The following RNF175 variants were observed in gnomAD, a reference collection of about 807,000 sequenced individuals.
RNF175 encodes ring finger protein 175.
RNF175 carries 38 observed loss-of-function variants against 50.0 expected under a neutral mutation model. The ratio of observed to expected loss-of-function variants is 0.76; its 90% CI spans 0.59 to 1.00. RNF175 has a LOEUF of 1.00. RNF175 is among the 50% of genes least tolerant of loss of function. The probability of loss-of-function intolerance (pLI) is 0.00; values close to 1 mark genes in which losing one functional copy is unlikely to be tolerated. For synonymous variants in RNF175, 155 were observed against 146.1 expected, an observed-to-expected ratio of 1.06 and a Z score of -0.44; for missense variants, 388 against 409.6, an observed-to-expected ratio of 0.95 and a Z score of 0.46.
At chr4:153,724,780 C>T (rs1157862798) in intron 4 of RNF175, among the ~76,000 whole-genome samples, 2 of 152,026 alleles carry the variant, frequency 1.3e-5, no homozygotes, top group Non-Finnish European at 2.9e-5. Context: ...AATGTGTTGT[C>T]ATTTACATCA....
intron 4 of RNF175, among the ~76,000 whole-genome samples, chr4:153,725,217 C>T (rs10009539): frequency 0.032 from 4,904 of 152,106 alleles, 209 homozygotes; most frequent in Middle Eastern, 0.1. Context: ...TGTGTGGCCT[C>T]AAAAGGAAGC....
chr4:153,710,639 T>A (rs1579018835), intron 8 of RNF175, 150 bp from the exon 9 acceptor site: 2 of 697,010 alleles, frequency 2.9e-6, no homozygotes, highest in East Asian at 5.6e-5. Context: ...CTTATGTGAG[T>A]TTTATAGCAT....
Position 153,723,450 on chromosome 4 carries a change from T to C in RNF175, c.410A>G (p.Tyr137Cys). 6.4e-7 allele frequency: 1 copy of C among 1,555,744 alleles called. No homozygotes were observed. The highest frequency in any genetic ancestry group is 8.9e-7 in the Non-Finnish European group (1 of 1,128,570). Residue 137 changes from tyrosine to cysteine, a missense_variant, in exon 5 of 9, where the codon TAC (tyrosine) becomes TGC (cysteine). Tyr to Cys is a radical substitution (Grantham distance 194, BLOSUM62 -2). Coordinates refer to ENST00000347063, the MANE Select transcript of RNF175 (RefSeq NM_173662.4). ...PLSGRTPRLVYKWFLLIYKLS... is the reference protein window; with the variant it reads ...PLSGRTPRLVCKWFLLIYKLS... Reference sequence around the variant, plus strand: ...TTTGTAGATCAAAAGAAACCATTTGTAGACCAATCTGTGGAGTGAAAAATG... The same window carrying C: ...TTTGTAGATCAAAAGAAACCATTTGCAGACCAATCTGTGGAGTGAAAAATG...
intron 3 of RNF175, among the ~76,000 whole-genome samples, chr4:153,735,151 A>AT (rs1489371303): frequency 6.6e-6 from 1 of 150,704 alleles, no homozygotes; most frequent in East Asian, 1.9e-4. Flanking sequence ...ACAGTTTTGC[A>AT]TTTTTCATTT....
intron 1 of RNF175, among the ~76,000 whole-genome samples, chr4:153,755,485 C>T (rs1456690655): frequency 2.6e-5 from 4 of 151,682 alleles, no homozygotes; most frequent in Non-Finnish European, 5.9e-5. Flanking sequence ...AGAAAAACAA[C>T]CAAAAGCTCT....
At chr4:153,728,686 T>C (rs1738855628) in intron 3 of RNF175, among the ~76,000 whole-genome samples, 1 of 152,152 alleles carries the variant, frequency 6.6e-6, no homozygotes, top group South Asian at 2.1e-4. Context: ...ACTTTAGTTG[T>C]ATAATTGGGG....
intron 6 of RNF175, among the ~76,000 whole-genome samples, chr4:153,718,151 C>T (rs1467119917): frequency 1.3e-5 from 2 of 150,996 alleles, no homozygotes; most frequent in Non-Finnish European, 2.9e-5. Flanking sequence ...CAGCAACATG[C>T]ATTTAAGATT....
rs1465785474 is a variant in RNF175 at position 153,710,410 on chromosome 4, C to T, written c.946G>A (p.Gly316Arg). The T allele has an allele frequency of 6.4e-7, 1 of 1,573,584 alleles. No individual in the cohort carries two copies. The highest frequency in any genetic ancestry group is 1.2e-5 in the South Asian group (1 of 85,762). Residue 316 changes from glycine to arginine, a missense_variant, in exon 9 of 9, where the codon GGA becomes AGA. Physicochemically the swap from Gly to Arg is moderately radical, Grantham distance 125. Transcript: ENST00000347063. The part of the protein sequence containing the change: ...YLVAWQPVVI[G>R]IVQGIIYSLG... ...GAATAGATAATGCCTTGAACTATTC[C>T]TATCACCACAGGTTGCCAGGCCACC...
chr4:153,759,439 A>T (rs1740716886), intron 1 of RNF175, among the ~76,000 whole-genome samples: 1 of 152,054 alleles, frequency 6.6e-6, no homozygotes, highest in African/African-American at 2.4e-5. Context: ...GCTTCCGCCG[A>T]GGAGGGAGGA....
chr4:153,712,483 G>C lies in RNF175; in HGVS notation c.858C>G (p.Ile286Met). The change falls in exon 8 of 9, where the codon ATC becomes ATG. Residue 286 changes from isoleucine (I) to methionine (M), a missense_variant. Ile to Met is a conservative substitution (Grantham distance 10). Coordinates refer to ENST00000347063, the MANE Select transcript of RNF175 (RefSeq NM_173662.4). Reference sequence around the variant, plus strand: ...TTTGTTTTAAAGGATATGGATTACTGATCATCCTCTTCAAATCAACTTTCT... The same window carrying C: ...TTTGTTTTAAAGGATATGGATTACTCATCATCCTCTTCAAATCAACTTTCT... ...CKEKVDLKRM[I>M]SNPWERTHFL... is the part of the protein sequence containing the mutation. 6.3e-7 allele frequency: 1 copy of C among 1,583,064 alleles called. No homozygotes were observed. Among genetic ancestry groups the C allele is most frequent in the Non-Finnish European group, 8.7e-7 (1 of 1,152,610 alleles).
chr4:153,729,589 C>T (rs2127125715), intron 3 of RNF175: 2 of 796,846 alleles, frequency 2.5e-6, no homozygotes, highest in East Asian at 2.5e-4. Flanking sequence ...AGCTCTTGGA[C>T]AGGACTTCAA....
In RNF175 at chr4:153,710,422, G is replaced by A. The variant is rs1308571941; in HGVS notation, c.934C>T (p.Pro312Ser). Residue 312 changes from proline to serine, a missense_variant, in exon 9 of 9, where the codon CCT becomes TCT. Pro to Ser is a moderately conservative substitution (Grantham distance 74). Transcript: ENST00000347063. ...DWLRYLVAWQ[P>S]VVIGIVQGII... ...CCTTGAACTATTCCTATCACCACAG[G>A]TTGCCAGGCCACCAAATAACGAAGC... 2 of 1,585,788 alleles carry A rather than the reference G, an allele frequency of 1.3e-6. No homozygotes were observed. Among genetic ancestry groups the A allele is most frequent in the African/African-American group, 1.3e-5 (1 of 74,450 alleles).
chr4:153,730,650 TTG>T (rs1195567710), intron 3 of RNF175, among the ~76,000 whole-genome samples: 2 of 152,228 alleles, frequency 1.3e-5, no homozygotes, highest in Admixed American at 1.3e-4. Flanking sequence ...TTTTAAGAAT[TTG>T]TTTCATTTTT....
intron 3 of RNF175, among the ~76,000 whole-genome samples, chr4:153,748,236 C>T (rs892122719): frequency 7.9e-5 from 12 of 152,204 alleles, no homozygotes; most frequent in South Asian, 2.1e-4. Flanking sequence ...TTCTAATCCT[C>T]CTTTTCCTGG....
intron 3 of RNF175, among the ~76,000 whole-genome samples, chr4:153,743,418 C>T (rs185821977): frequency 1.3e-5 from 2 of 152,206 alleles, no homozygotes; most frequent in East Asian, 3.9e-4. Context: ...TCCTTTGGGG[C>T]AATACCAATA....
In RNF175 at chr4:153,712,597, G is replaced by A. The variant is rs1328291364; in HGVS notation, c.765-21C>T. 3 of 1,506,756 alleles carry A rather than the reference G, an allele frequency of 2.0e-6. No individual in the cohort carries two copies. In the African/African-American group the frequency reaches 4.1e-5, roughly 21 times the overall value. The allele number at this position is 1,506,756 out of a possible 1,614,324, so 93.3% of individuals were successfully genotyped here. A position where few individuals can be genotyped will look rare whatever the true frequency, so the allele number is the denominator to read the frequency against. ...GAAAGCTGAAGCATCTTGTTAGGGA[G>A]GCTTCTAGATATGAAAAGGCAATGT... On this transcript the variant is annotated intron_variant, in intron 7 of 8. Coordinates refer to ENST00000347063, the MANE Select transcript of RNF175 (RefSeq NM_173662.4).
intron 3 of RNF175, among the ~76,000 whole-genome samples, chr4:153,731,276 G>A (rs954244625): frequency 6.6e-6 from 1 of 152,262 alleles, no homozygotes; most frequent in South Asian, 2.1e-4. Flanking sequence ...TAGGAATGCT[G>A]TCCCTCATAA....
Position 153,712,459 on chromosome 4 carries a change from T to C in RNF175, c.866+16A>G, listed in dbSNP as rs764928711. 7.2e-7 allele frequency: 1 copy of C among 1,380,024 alleles called. No homozygotes were observed. Among genetic ancestry groups the C allele is most frequent in the African/African-American group, 1.4e-5 (1 of 70,560 alleles). 85.5% of individuals were successfully genotyped at this position (1,380,024 alleles called of 1,614,324 possible). ...TTCAAGATAATCTCTTATAACCTTT[T>C]TGTTTTAAAGGATATGGATTACTGA... is the stretch of plus-strand genomic sequence containing the variant. On this transcript the variant is annotated intron_variant, in intron 8 of 8. Coordinates refer to ENST00000347063, the MANE Select transcript of RNF175 (RefSeq NM_173662.4).
chr4:153,757,819 C>A (rs1402668494), intron 1 of RNF175, among the ~76,000 whole-genome samples: 1 of 151,950 alleles, frequency 6.6e-6, no homozygotes, highest in Non-Finnish European at 1.5e-5. Context: ...CTCAAAAGAC[C>A]CCAGGGGTTG....
Sources: allele counts gnomAD v4.1 joint callset (sites outside exome capture counted in the v4.1 genomes callset), GRCh38; gene constraint gnomAD v4.1.1; transcripts MANE v1.5; gene names NCBI Gene and HGNC (gene_info 2026-07-23, HGNC 2026-07-21).